SPMIP3: variants seen among roughly 807,000 people sequenced by gnomAD.
SPMIP3 encodes the protein sperm microtubule inner protein 3, also known as protein SPMIP3.
the SPMIP3 span, among the ~76,000 whole-genome samples, chr1:244,356,916 TC>T: frequency 5.2e-5 from 7 of 134,306 alleles, no homozygotes; most frequent in African/African-American, 1.7e-4. Context: ...TCTTTTCTTT[TC>T]CTTTTTTTTT....
At chr1:244,380,766 G>C in the SPMIP3 span, among the ~76,000 whole-genome samples, 1 of 152,120 alleles carries the variant, frequency 6.6e-6, no homozygotes, top group Admixed American at 6.5e-5. Flanking sequence ...AAAGGAGATG[G>C]CCTGGGCTGG....
chr1:244,355,599 G>A, the SPMIP3 span, among the ~76,000 whole-genome samples: 1 of 152,136 alleles, frequency 6.6e-6, no homozygotes, highest in African/African-American at 2.4e-5. Flanking sequence ...TGTTGGCCAG[G>A]ATGGTCTCGA....
At chr1:244,360,521 C>T in the SPMIP3 span, among the ~76,000 whole-genome samples, 1 of 56,160 alleles carries the variant, frequency 1.8e-5, no homozygotes, top group African/African-American at 5.2e-5. Flanking sequence ...CACACACACA[C>T]ACACACACAC....
the SPMIP3 span, among the ~76,000 whole-genome samples, chr1:244,360,666 C>G: frequency 6.6e-6 from 1 of 152,020 alleles, no homozygotes; most frequent in South Asian, 2.1e-4. Flanking sequence ...GGAGGATCAC[C>G]TGAGGTCAGG....
the SPMIP3 span, chr1:244,375,456 G>A: frequency 3.7e-6 from 6 of 1,613,558 alleles, no homozygotes; most frequent in Admixed American, 3.3e-5. Context: ...ATAGTGCAAA[G>A]AGAGCTCCCA....
At chr1:244,357,779 C>T in the SPMIP3 span, among the ~76,000 whole-genome samples, 6 of 147,108 alleles carry the variant, frequency 4.1e-5, no homozygotes, top group Middle Eastern at 3.7e-3. Context: ...CAATGAGAAA[C>T]AACGAATATA....
At chr1:244,369,591 C>A in the SPMIP3 span, among the ~76,000 whole-genome samples, 2 of 152,018 alleles carry the variant, frequency 1.3e-5, no homozygotes, top group African/African-American at 4.8e-5. Flanking sequence ...GAGAGGGAGT[C>A]GCAGTGGGTC....
At chr1:244,373,443 C>T in the SPMIP3 span, among the ~76,000 whole-genome samples, 1 of 148,804 alleles carries the variant, frequency 6.7e-6, no homozygotes, top group Non-Finnish European at 1.5e-5. Context: ...TTAGAGGCTA[C>T]AGTGAGCTAT....
the SPMIP3 span, among the ~76,000 whole-genome samples, chr1:244,358,623 GTGTA>G: frequency 1.9e-4 from 29 of 150,254 alleles, no homozygotes; most frequent in African/African-American, 5.1e-4. Context: ...ATGTGTGTGT[GTGTA>G]TATATATATA....
the SPMIP3 span, among the ~76,000 whole-genome samples, chr1:244,356,918 CTTTTTT>C: frequency 1.5e-4 from 16 of 103,762 alleles, no homozygotes; most frequent in East Asian, 2.1e-3. Flanking sequence ...TTTTCTTTTC[CTTTTTT>C]TTTTTTTTTT....
At chr1:244,375,294 A>G in the SPMIP3 span, 15 of 1,181,266 alleles carry the variant, frequency 1.3e-5, no homozygotes, top group Non-Finnish European at 1.9e-5. Flanking sequence ...GTTTTGTATT[A>G]TGCCGCAGCT....
At chr1:244,377,388 T>C in the SPMIP3 span, among the ~76,000 whole-genome samples, 13 of 152,256 alleles carry the variant, frequency 8.5e-5, no homozygotes, top group Non-Finnish European at 1.8e-4. Flanking sequence ...CCCAAAGTGC[T>C]GGGATGACAG....
chr1:244,387,224 G>A, the SPMIP3 span, among the ~76,000 whole-genome samples: 1 of 152,104 alleles, frequency 6.6e-6, no homozygotes, highest in Non-Finnish European at 1.5e-5. Flanking sequence ...CTTGAACATG[G>A]GAGGTGGAGG....
At chr1:244,361,053 T>G in the SPMIP3 span, among the ~76,000 whole-genome samples, 1 of 151,576 alleles carries the variant, frequency 6.6e-6, no homozygotes, top group African/African-American at 2.4e-5. Context: ...GAATTGAACT[T>G]GCGGAGACGG....
At chr1:244,356,965 C>T in the SPMIP3 span, among the ~76,000 whole-genome samples, 1 of 144,780 alleles carries the variant, frequency 6.9e-6, no homozygotes, top group African/African-American at 2.6e-5. Context: ...TTCTGTAACC[C>T]AGGCTGGATT....
the SPMIP3 span, among the ~76,000 whole-genome samples, chr1:244,372,379 T>C: frequency 2.0e-5 from 3 of 152,322 alleles, no homozygotes; most frequent in African/African-American, 4.8e-5. Flanking sequence ...TTTTCATCCA[T>C]TATCTAACAC....
the SPMIP3 span, among the ~76,000 whole-genome samples, chr1:244,362,929 C>T: frequency 7.3e-5 from 11 of 150,448 alleles, no homozygotes; most frequent in South Asian, 2.1e-4. Flanking sequence ...CTGCAACCTC[C>T]GCTTCCTGGG....
the SPMIP3 span, among the ~76,000 whole-genome samples, chr1:244,368,722 G>A: frequency 6.6e-6 from 1 of 152,224 alleles, no homozygotes; most frequent in Non-Finnish European, 1.5e-5. Context: ...GCCCTTGTGT[G>A]GTTCTGCACA....
the SPMIP3 span, chr1:244,364,665 T>G: frequency 6.3e-7 from 1 of 1,593,878 alleles, no homozygotes; most frequent in South Asian, 1.1e-5. Flanking sequence ...AATATAATCC[T>G]TTATGCCATA....
Sources: gnomAD v4.1 joint callset for allele counts (sites outside exome capture counted in the v4.1 genomes callset) on GRCh38, gnomAD v4.1.1 for gene constraint, MANE v1.5 for transcripts, NCBI Gene and HGNC (gene_info 2026-07-23, HGNC 2026-07-21) for gene names.